The following RXRA variants were observed in gnomAD, a reference collection of about 807,000 sequenced individuals.
The protein encoded by RXRA is retinoid X receptor alpha.
Under a neutral mutation model 44.5 loss-of-function variants are expected in RXRA, and 5 were observed. The ratio of observed to expected loss-of-function variants is 0.11; its 90% CI spans 0.06 to 0.24. The LOEUF (loss-of-function observed/expected upper bound fraction) is 0.24, where lower values mean the gene tolerates loss of function less well. Among genes scored for constraint, RXRA ranks in the 10% least tolerant of loss-of-function variants. The pLI, the probability that RXRA is intolerant of heterozygous loss-of-function variation, is 1.00. For missense variants in RXRA, 412 were observed against 646.5 expected (o/e 0.64, Z 3.93); for synonymous variants, 291 against 271.4 (o/e 1.07, Z -0.71).
chr9:134,422,123 G>GACACTCCCCACTCCTGGGAC (rs1588303328), intron 6 of RXRA: 1 of 1,321,526 alleles, frequency 7.6e-7, no homozygotes, highest in Non-Finnish European at 9.9e-7. Flanking sequence ...TACCTCCCGG[G>GACACTCCCCACTCCTGGGAC]ACACTCCCCA....
intron 6 of RXRA, chr9:134,422,711 T>C: frequency 1.0e-6 from 1 of 985,400 alleles, no homozygotes; most frequent in Non-Finnish European, 1.2e-6. Flanking sequence ...TCCTATGTAC[T>C]CTATGGGACT....
At chr9:134,369,513 G>C (rs1358565714) in intron 1 of RXRA, among the ~76,000 whole-genome samples, 1 of 120,712 alleles carries the variant, frequency 8.3e-6, no homozygotes, top group African/African-American at 3.1e-5. Context: ...GGGGTTGTCT[G>C]CGTGTGTGTG....
chr9:134,403,946 G>C (rs1222625507), intron 2 of RXRA: 1 of 152,292 alleles, frequency 6.6e-6, no homozygotes, highest in African/African-American at 2.4e-5. Context: ...CCCGCAGTTA[G>C]TTTGCCGTGG....
At chr9:134,425,731 G>A (rs1213466937) in intron 6 of RXRA, 1 of 985,228 alleles carries the variant, frequency 1.0e-6, no homozygotes, top group Non-Finnish European at 1.2e-6. Flanking sequence ...AGAACACAGG[G>A]TAAGCCAGGC....
intron 6 of RXRA, chr9:134,422,490 C>A (rs1477961565): frequency 1.6e-6 from 2 of 1,217,704 alleles, no homozygotes; most frequent in South Asian, 1.4e-5. Context: ...GGACACTCCC[C>A]CCTCCCAGGA....
At chr9:134,336,967 G>A (rs1830016957) in intron 1 of RXRA, among the ~76,000 whole-genome samples, 1 of 152,176 alleles carries the variant, frequency 6.6e-6, no homozygotes, top group African/African-American at 2.4e-5. Flanking sequence ...GACTGTCCTC[G>A]AGGACTCTGT....
Position 134,440,338 on chromosome 9 carries a change from A to G in RXRA, c.*3724A>G, listed in dbSNP as rs528856426. 2 of 152,458 alleles carry G rather than the reference A, an allele frequency of 1.3e-5. No individual in the cohort carries two copies. Among genetic ancestry groups the G allele is most frequent in the South Asian group, 4.1e-4 (2 of 4,824 alleles). The allele number at this position is 152,458 out of a possible 1,614,324, so 9.4% of individuals were successfully genotyped here. A position where few individuals can be genotyped will look rare whatever the true frequency, so the allele number is the denominator to read the frequency against. On this transcript the variant is annotated 3_prime_UTR_variant, in exon 10 of 10. Coordinates refer to ENST00000481739, the MANE Select transcript of RXRA (RefSeq NM_002957.6). ...CAGGAGGGTGGGCCTGAGGCTTTCA[A>G]GGGTTTTCTTCCCTTTCGAGTAATT...
chr9:134,348,827 C>A (rs200509755), intron 1 of RXRA, among the ~76,000 whole-genome samples: 4 of 152,090 alleles, frequency 2.6e-5, no homozygotes, highest in African/African-American at 4.8e-5. Context: ...TGGGTGAAAC[C>A]GGGCCTGGGG....
chr9:134,422,692 C>A (rs1208558832), intron 6 of RXRA: 1 of 985,288 alleles, frequency 1.0e-6, no homozygotes, highest in African/African-American at 1.7e-5. Flanking sequence ...ACTCCCCCGT[C>A]CTGGGACCTC....
intron 6 of RXRA, among the ~76,000 whole-genome samples, chr9:134,428,269 C>T (rs1009868500): frequency 6.8e-6 from 1 of 146,014 alleles, no homozygotes; most frequent in Non-Finnish European, 1.5e-5. Context: ...ACCACCTGAC[C>T]CCCAGGGAAC....
intron 2 of RXRA, 93 bp downstream of exon 2, chr9:134,401,975 G>A (rs1830969964): frequency 9.4e-7 from 1 of 1,059,124 alleles, no homozygotes. Context: ...TGAGGCCTCT[G>A]GGAGGTAGGT....
intron 1 of RXRA, among the ~76,000 whole-genome samples, chr9:134,371,220 G>C (rs932440539): frequency 6.6e-6 from 1 of 152,184 alleles, no homozygotes; most frequent in East Asian, 1.9e-4. Flanking sequence ...GCTGAGTGGG[G>C]TCCTTGCTGC....
At chr9:134,419,924 G>T (rs566559347) in intron 5 of RXRA, among the ~76,000 whole-genome samples, 9 of 152,320 alleles carry the variant, frequency 5.9e-5, no homozygotes, top group Admixed American at 1.3e-4. Context: ...CCCTGTGGCC[G>T]GCTGTGCACA....
At chr9:134,375,539 G>A (rs974922426) in intron 1 of RXRA, among the ~76,000 whole-genome samples, 8 of 152,178 alleles carry the variant, frequency 5.3e-5, no homozygotes, top group Non-Finnish European at 1.0e-4. Flanking sequence ...GGGTCAGCCC[G>A]GAGACTGTGT....
intron 1 of RXRA, among the ~76,000 whole-genome samples, chr9:134,358,517 G>T (rs1830311158): frequency 6.6e-6 from 1 of 152,218 alleles, no homozygotes; most frequent in Non-Finnish European, 1.5e-5. Context: ...CAGAGGCCTT[G>T]TGCAGGGTCT....
At chr9:134,368,261 G>A (rs1830438549) in intron 1 of RXRA, among the ~76,000 whole-genome samples, 1 of 152,230 alleles carries the variant, frequency 6.6e-6, no homozygotes, top group African/African-American at 2.4e-5. Flanking sequence ...TGGTCAGCTG[G>A]CCTTGACAGG....
In RXRA at chr9:134,436,662, G is replaced by T; in HGVS notation, c.*48G>T. 1 of 1,607,778 alleles carries T rather than the reference G, an allele frequency of 6.2e-7. No homozygotes were observed. Among genetic ancestry groups the T allele is most frequent in the Non-Finnish European group, 8.5e-7 (1 of 1,176,462 alleles). ...CCCACCCGTTCTGGCCACCCTGCCT[G>T]GACGCCAGCTGTTCTTCTCAGCCTG... On this transcript the variant is annotated 3_prime_UTR_variant, in exon 10 of 10. Transcript: ENST00000481739.
At chr9:134,376,544 GCTGCGTGGC>G (rs1306452288) in intron 1 of RXRA, among the ~76,000 whole-genome samples, 1 of 152,286 alleles carries the variant, frequency 6.6e-6, no homozygotes, top group Non-Finnish European at 1.5e-5. Flanking sequence ...AGCCTGGCCA[GCTGCGTGGC>G]CTCGGCCAGG....
chr9:134,415,659 G>A (rs1362480383), intron 4 of RXRA, among the ~76,000 whole-genome samples: 1 of 151,974 alleles, frequency 6.6e-6, no homozygotes, highest in Admixed American at 6.5e-5. Context: ...CACCATCCTA[G>A]GCCTCAGACC....
Sources: allele counts gnomAD v4.1 joint callset (sites outside exome capture counted in the v4.1 genomes callset), GRCh38; gene constraint gnomAD v4.1.1; transcripts MANE v1.5; gene names NCBI Gene and HGNC (gene_info 2026-07-23, HGNC 2026-07-21).